NALCN: variants seen among roughly 807,000 people sequenced by gnomAD.
The protein encoded by NALCN is sodium leak channel, non-selective.
A neutral mutation model predicts 225.3 loss-of-function variants in NALCN; 111 were observed. The ratio of observed to expected loss-of-function variants is 0.49; its 90% confidence interval spans 0.42 to 0.58. NALCN has a LOEUF of 0.58. Among genes scored for constraint, NALCN ranks in the 20% least tolerant of loss-of-function variants. The probability of loss-of-function intolerance (pLI) is 0.00; values close to 1 mark genes in which losing one functional copy is unlikely to be tolerated. For synonymous variants in NALCN, 764 were observed against 769.0 expected (o/e 0.99, Z 0.11); for missense variants, 1,378 against 2,202.4 (o/e 0.63, Z 7.49).
At position 101,179,332 on chromosome 13, in the gene NALCN, TC is replaced by T. The variant is rs1397452630; in HGVS notation, c.1765-2959del. On this transcript the variant is annotated intron_variant, in intron 14 of 43. Coordinates refer to ENST00000251127, the MANE Select transcript of NALCN (RefSeq NM_052867.4). ...TTGCAGCTTTTTTTTCATTTAATTC[TC>T]CCCGAGCAACCCTGACATGTAGTAT... 2.0e-5 allele frequency among the ~76,000 whole-genome samples: 3 copies of T among 152,232 alleles called. No homozygotes were observed. The East Asian group carries it at 5.8e-4, about 29-fold the overall frequency.
chr13:101,415,408 G>A (rs914812359), intron 1 of NALCN, among the ~76,000 whole-genome samples: 1 of 152,016 alleles, frequency 6.6e-6, no homozygotes, highest in South Asian at 2.1e-4. Flanking sequence ...AGGCCTGAAA[G>A]TGAGCGTGTA....
chr13:101,193,892 C>T lies in NALCN; in HGVS notation c.1627-1838G>A, dbSNP rs77828489. Among the ~76,000 whole-genome samples the T allele has an allele frequency of 4.7e-3, 721 of 152,150 alleles. 8 individuals are homozygous for T. Among genetic ancestry groups the T allele is most frequent in the African/African-American group, 0.017 (699 of 41,504 alleles). On this transcript the variant is annotated intron_variant, in intron 13 of 43. Coordinates refer to ENST00000251127, the MANE Select transcript of NALCN (RefSeq NM_052867.4). ...GCTGTATTTTCTTCAATGAAGGTAT[C>T]GGTGTGAAAACATGTACATATCCTG...
chr13:101,215,756 C>T (rs943158490), intron 13 of NALCN, among the ~76,000 whole-genome samples: 1 of 151,948 alleles, frequency 6.6e-6, no homozygotes, highest in Non-Finnish European at 1.5e-5. Context: ...GCACAACGTG[C>T]AGGTTTGTTA....
chr13:101,170,572 C>T (rs1566376401), intron 15 of NALCN, among the ~76,000 whole-genome samples: 1 of 152,152 alleles, frequency 6.6e-6, no homozygotes, highest in Non-Finnish European at 1.5e-5. Context: ...AAAACATTCA[C>T]CTAGAGCTCA....
In NALCN at chr13:101,137,669, A is replaced by C. The variant is rs77511522; in HGVS notation, c.2118+5411T>G. ...AAAAAAATCAGACTTAGGTACCATAAGGAAATTGATCAGTAATTAATATAT... is the reference window on the plus strand; with the variant it reads ...AAAAAAATCAGACTTAGGTACCATACGGAAATTGATCAGTAATTAATATAT... On this transcript the variant is annotated intron_variant, in intron 17 of 43. Transcript: ENST00000251127. 7.7e-3 allele frequency among the ~76,000 whole-genome samples: 1,179 copies of C among 152,302 alleles called. 7 individuals are homozygous for C. Among genetic ancestry groups the C allele is most frequent in the Non-Finnish European group, 0.013 (910 of 68,042 alleles).
intron 18 of NALCN, among the ~76,000 whole-genome samples, chr13:101,114,625 T>C (rs978112472): frequency 1.3e-5 from 2 of 152,060 alleles, no homozygotes; most frequent in Non-Finnish European, 2.9e-5. Context: ...TGCGATTGAG[T>C]GGGGCTCTTC....
chr13:101,107,358 A>G lies in NALCN; in HGVS notation c.2579+129T>C, dbSNP rs2035179129. ...CGGGTGTTCAGCAAAGAGGAGCAGC[A>G]TGATTAATTAGTCCGCAGTTTATTT... On this transcript the variant is annotated intron_variant, in intron 22 of 43. Coordinates refer to ENST00000251127, the MANE Select transcript of NALCN (RefSeq NM_052867.4). The G allele has an allele frequency of 9.5e-6, 14 of 1,470,914 alleles. No homozygotes were observed. In the South Asian group the frequency reaches 1.5e-4, roughly 16 times the overall value. 91.1% of individuals were successfully genotyped at this position (1,470,914 alleles called of 1,614,324 possible).
At chr13:101,301,684 G>A (rs1404551633) in intron 7 of NALCN, among the ~76,000 whole-genome samples, 4 of 149,496 alleles carry the variant, frequency 2.7e-5, no homozygotes, top group African/African-American at 7.4e-5. Flanking sequence ...TCACACCACC[G>A]CACTCCAGCC....
chr13:101,247,316 AG>A (rs1263910457), intron 11 of NALCN, among the ~76,000 whole-genome samples: 2 of 152,170 alleles, frequency 1.3e-5, no homozygotes, highest in Non-Finnish European at 2.9e-5. Context: ...AATATAGACT[AG>A]TGACAAGAAC....
At chr13:101,334,849 T>C (rs1401376031) in intron 7 of NALCN, among the ~76,000 whole-genome samples, 1 of 151,828 alleles carries the variant, frequency 6.6e-6, no homozygotes, top group South Asian at 2.1e-4. Context: ...TGTTATAACA[T>C]ACCATGAAAC....
At chr13:101,326,976 C>T (rs990679465) in intron 7 of NALCN, among the ~76,000 whole-genome samples, 11 of 152,072 alleles carry the variant, frequency 7.2e-5, no homozygotes, top group African/African-American at 2.4e-4. Flanking sequence ...GAGAGAGAGC[C>T]GCAGGGCCTC....
intron 15 of NALCN, among the ~76,000 whole-genome samples, chr13:101,148,165 C>T (rs2037453726): frequency 6.6e-6 from 1 of 152,156 alleles, no homozygotes; most frequent in Non-Finnish European, 1.5e-5. Flanking sequence ...ATTAGCTTAA[C>T]ACAATAGAAA....
chr13:101,083,707 G>GT lies in NALCN; in HGVS notation c.3583+3dup. On this transcript the variant is annotated splice_donor_region_variant and intron_variant, in intron 31 of 43. Coordinates refer to ENST00000251127, the MANE Select transcript of NALCN (RefSeq NM_052867.4). ...CATGAATAAAATCAGAGCATTTTGG[G>GT]TACCCGGGCGAGGCGGAAGATGAAG... 1.2e-6 allele frequency: 2 copies of GT among 1,612,644 alleles called. No individual in the cohort carries two copies. The highest frequency in any genetic ancestry group is 1.7e-6 in the Non-Finnish European group (2 of 1,178,838).
intron 13 of NALCN, among the ~76,000 whole-genome samples, chr13:101,199,676 C>T (rs1012552170): frequency 2.5e-4 from 37 of 149,764 alleles, no homozygotes; most frequent in Non-Finnish European, 1.2e-4. Flanking sequence ...GGAGGGATAG[C>T]ATTAGGAGAT....
intron 11 of NALCN, among the ~76,000 whole-genome samples, chr13:101,247,440 A>T (rs2041930649): frequency 6.6e-6 from 1 of 152,172 alleles, no homozygotes; most frequent in Admixed American, 6.5e-5. Context: ...TCCCTAAGAA[A>T]GTAGAAGTGA....
intron 7 of NALCN, among the ~76,000 whole-genome samples, chr13:101,339,622 G>A (rs1457606375): frequency 6.6e-6 from 1 of 152,150 alleles, no homozygotes; most frequent in Non-Finnish European, 1.5e-5. Context: ...CAATGCCCCA[G>A]CTGGTGCTTT....
chr13:101,065,688 G>T, intron 39 of NALCN, 127 bp from the exon 40 acceptor site: 1 of 1,131,364 alleles, frequency 8.8e-7, no homozygotes, highest in Non-Finnish European at 1.2e-6. Flanking sequence ...TGTGAAGAAA[G>T]CTGGTCACCT....
intron 9 of NALCN, among the ~76,000 whole-genome samples, chr13:101,285,072 T>G (rs904878182): frequency 1.3e-5 from 2 of 152,202 alleles, no homozygotes; most frequent in African/African-American, 4.8e-5. Flanking sequence ...TCACCCTTAT[T>G]TATGTCCTCC....
intron 36 of NALCN, among the ~76,000 whole-genome samples, chr13:101,073,941 G>T (rs1259013629): frequency 6.6e-6 from 1 of 152,130 alleles, no homozygotes; most frequent in Non-Finnish European, 1.5e-5. Context: ...GCAACTAAGT[G>T]ATTCCTTCTT....
Sources: gnomAD v4.1 joint callset for allele counts (sites outside exome capture counted in the v4.1 genomes callset) on GRCh38, gnomAD v4.1.1 for gene constraint, MANE v1.5 for transcripts, NCBI Gene and HGNC (gene_info 2026-07-23, HGNC 2026-07-21) for gene names.